The following CCT5 variants were observed in gnomAD, a reference collection of about 807,000 sequenced individuals.
CCT5 encodes the protein T-complex protein 1 subunit epsilon.
Under a neutral mutation model 55.0 loss-of-function variants are expected in CCT5, and 6 were observed. That is an observed-to-expected ratio of 0.11 (90% CI 0.06 to 0.22). The LOEUF (loss-of-function observed/expected upper bound fraction) is 0.22. Ranked by LOEUF, CCT5 falls within the 10% of genes least tolerant of loss-of-function variation. CCT5 has a pLI of 1.00. For missense variants in CCT5, 560 were observed against 694.6 expected, an observed-to-expected ratio of 0.81 and a Z score of 2.18; for synonymous variants, 231 against 243.7, an observed-to-expected ratio of 0.95 and a Z score of 0.49.
At chr5:10,260,959 A>T in intron 7 of CCT5, 48 bp downstream of exon 7, 1 of 1,603,832 alleles carries the variant, frequency 6.2e-7, no homozygotes, top group Non-Finnish European at 8.5e-7. Flanking sequence ...GGTTCATCTT[A>T]TGTGTTGAGG....
chr5:10,263,358 G>C (rs750430071), intron 10 of CCT5, 44 bp downstream of exon 10: 1 of 1,524,900 alleles, frequency 6.6e-7, no homozygotes, highest in South Asian at 1.1e-5. Flanking sequence ...GGGGATGTCT[G>C]ATTTAAACTG....
rs187644571 is a variant in CCT5, at chr5:10,258,971, C to T, written c.873+436C>T. 3.9e-5 allele frequency among the ~76,000 whole-genome samples: 6 copies of T among 152,208 alleles called. No homozygotes were observed. The East Asian group carries it at 5.8e-4, about 15-fold the overall frequency. On this transcript the variant is annotated intron_variant, in intron 6 of 10. Transcript: ENST00000280326. ...TTGCACCACTACACTCCAGCCTGGG[C>T]GACAGAGCAAGACTCTGTCTCAAAA...
At position 10,263,299 on chromosome 5, in the gene CCT5, C is replaced by T; in HGVS notation, c.1483C>T (p.His495Tyr). The stretch of plus-strand genomic sequence containing the variant: ...CCCTGCTCTTGGCATCGACTGTTTG[C>T]ACAAGGGGACAAATGGTGAGGAGCT... ...MNPALGIDCL[H>Y]KGTNDMKQQH... Residue 495 changes from histidine to tyrosine, a missense_variant, in exon 10 of 11, where the codon CAC becomes TAC. Around this residue, in one of 4 missense-constraint regions of CCT5, gnomAD observed 115 missense variants for 105.0 expected, o/e 1.10. Coordinates refer to ENST00000280326, the MANE Select transcript of CCT5 (RefSeq NM_012073.5). 6.2e-7 allele frequency: 1 copy of T among 1,613,308 alleles called. No individual in the cohort carries two copies. The highest frequency in any genetic ancestry group is 1.1e-5 in the South Asian group (1 of 91,068).
intron 8 of CCT5, chr5:10,262,108 T>C: frequency 2.6e-6 from 1 of 390,748 alleles, no homozygotes; most frequent in East Asian, 6.2e-5. Context: ...TTAATTACAA[T>C]ATGGTATTAT....
intron 8 of CCT5, 131 bp downstream of exon 8, chr5:10,261,876 T>C: frequency 1.3e-6 from 1 of 796,780 alleles, no homozygotes; most frequent in Non-Finnish European, 2.2e-6. Flanking sequence ...CAATGACGTA[T>C]CATGGTGTAA....
intron 1 of CCT5, chr5:10,250,886 T>A (rs1208150318): frequency 2.5e-5 from 26 of 1,040,156 alleles, no homozygotes; most frequent in Non-Finnish European, 3.0e-5. Flanking sequence ...TCTTTGTCAC[T>A]CGTAAAGGTG....
chr5:10,254,910 G>A (rs1745598591), intron 3 of CCT5, 72 bp downstream of exon 3: 14 of 1,208,192 alleles, frequency 1.2e-5, no homozygotes, highest in Non-Finnish European at 1.7e-5. Flanking sequence ...CATGCCTGCT[G>A]AGATTGTTGT....
rs772009560 is a variant in CCT5 at position 10,250,306 on chromosome 5, G to T, written c.-35G>T. Reference sequence around the variant, plus strand: ...CATTCTCGCTTCCGTAGCGGTCTCCGCCGGTTGGGGGGAAGTAATTCCGGT... The same window carrying T: ...CATTCTCGCTTCCGTAGCGGTCTCCTCCGGTTGGGGGGAAGTAATTCCGGT... On this transcript the variant is annotated 5_prime_UTR_variant, in exon 1 of 11. Transcript: ENST00000280326. 14 of 1,613,692 alleles carry T rather than the reference G, an allele frequency of 8.7e-6. No individual in the cohort carries two copies. The highest frequency in any genetic ancestry group is 1.2e-5 in the Non-Finnish European group (14 of 1,179,984).
At chr5:10,264,604 G>A (rs1746132892) in intron 10 of CCT5, 52 bp from the exon 11 acceptor site, 1 of 1,181,730 alleles carries the variant, frequency 8.5e-7, no homozygotes, top group South Asian at 1.2e-5. Flanking sequence ...GTTGGTTATT[G>A]ATAGTTTATT....
intron 7 of CCT5, 46 bp downstream of exon 7, chr5:10,260,957 T>C: frequency 6.2e-7 from 1 of 1,607,524 alleles, no homozygotes. Flanking sequence ...GGGGTTCATC[T>C]TATGTGTTGA....
intron 4 of CCT5, among the ~76,000 whole-genome samples, chr5:10,257,170 A>T (rs1745725544): frequency 6.6e-6 from 1 of 152,194 alleles, no homozygotes; most frequent in African/African-American, 2.4e-5. Context: ...AATGCAGGAA[A>T]AGTGTCTGCT....
chr5:10,252,564 G>A (rs925915204), intron 1 of CCT5, among the ~76,000 whole-genome samples: 1 of 146,208 alleles, frequency 6.8e-6, no homozygotes, highest in East Asian at 2.0e-4. Context: ...GCGGTGAGCC[G>A]AGATCACGCC....
chr5:10,261,014 C>A, intron 7 of CCT5, 103 bp downstream of exon 7: 3 of 1,226,546 alleles, frequency 2.4e-6, no homozygotes, highest in Non-Finnish European at 3.6e-6. Flanking sequence ...CACACCAAGG[C>A]TGGCAGATGA....
intron 2 of CCT5, 68 bp from the exon 3 acceptor site, chr5:10,254,606 C>T (rs1485512063): frequency 7.2e-7 from 1 of 1,380,402 alleles, no homozygotes; most frequent in Non-Finnish European, 1.0e-6. Context: ...GTCAGGAGGT[C>T]TTGTTTTATA....
chr5:10,263,012 C>T, intron 9 of CCT5, 122 bp from the exon 10 acceptor site: 1 of 806,436 alleles, frequency 1.2e-6, no homozygotes, highest in Admixed American at 1.9e-5. Context: ...ATAAAGACAG[C>T]CTGTTCTTAC....
chr5:10,260,544 A>AT lies in CCT5; in HGVS notation c.874-248_874-247insT, dbSNP rs11453082. On this transcript the variant is annotated intron_variant, in intron 6 of 10. Transcript: ENST00000280326. ...CCTCACTGTAACAATAGGGTTCAGCAGAATTACTGCTTGTGGTTTTTAAAG... is the reference window on the plus strand; with the variant it reads ...CCTCACTGTAACAATAGGGTTCAGCATGAATTACTGCTTGTGGTTTTTAAAG... Among the ~76,000 whole-genome samples, 112,272 of 152,074 alleles carry AT rather than the reference A, an allele frequency of 0.74. 43,659 individuals are homozygous for AT. The highest frequency in any genetic ancestry group is 0.87 in the East Asian group (4,473 of 5,168).
intron 9 of CCT5, 97 bp downstream of exon 9, chr5:10,262,715 C>T: frequency 7.6e-7 from 1 of 1,316,076 alleles, no homozygotes. Context: ...GCAAAACAAG[C>T]ATCGTGAGCT....
chr5:10,253,448 CG>C (rs1745529368), intron 1 of CCT5, among the ~76,000 whole-genome samples: 1 of 152,074 alleles, frequency 6.6e-6, no homozygotes, highest in Non-Finnish European at 1.5e-5. Flanking sequence ...AATGGGGTCT[CG>C]CCATGTTTCC....
At chr5:10,261,005 A>C (rs1745932835) in intron 7 of CCT5, 94 bp downstream of exon 7, 1 of 1,313,746 alleles carries the variant, frequency 7.6e-7, no homozygotes, top group African/African-American at 1.4e-5. Context: ...TAACTGCATC[A>C]CACCAAGGCT....
Sources: allele counts gnomAD v4.1 joint callset (sites outside exome capture counted in the v4.1 genomes callset), GRCh38; gene constraint gnomAD v4.1.1; regional missense constraint gnomAD v4.1.1; transcripts MANE v1.5; gene names NCBI Gene and HGNC (gene_info 2026-07-23, HGNC 2026-07-21).